The following SPMIP7 variants were observed in gnomAD, a reference collection of about 807,000 sequenced individuals.
SPMIP7 encodes the protein sperm microtubule inner protein 7, also known as protein SPMIP7.
the SPMIP7 span, among the ~76,000 whole-genome samples, chr7:50,139,051 T>A: frequency 2.0e-5 from 3 of 152,136 alleles, no homozygotes; most frequent in Non-Finnish European, 4.4e-5. Context: ...TTGAAATATT[T>A]AAAAATTTAA....
At chr7:50,103,221 T>C in the SPMIP7 span, among the ~76,000 whole-genome samples, 1 of 151,914 alleles carries the variant, frequency 6.6e-6, no homozygotes, top group Non-Finnish European at 1.5e-5. Context: ...TGATCTCAAA[T>C]TTTAACTTTT....
chr7:50,153,580 A>G, the SPMIP7 span, among the ~76,000 whole-genome samples: 2 of 152,196 alleles, frequency 1.3e-5, no homozygotes. Flanking sequence ...CTGTTGGCTG[A>G]GTGCTTTGTG....
the SPMIP7 span, among the ~76,000 whole-genome samples, chr7:50,125,818 C>T: frequency 1.3e-4 from 20 of 151,818 alleles, no homozygotes; most frequent in African/African-American, 4.4e-4. Flanking sequence ...TTTCCAGGAG[C>T]TGAGGGGTGG....
At chr7:50,116,927 GA>G in the SPMIP7 span, among the ~76,000 whole-genome samples, 1 of 152,142 alleles carries the variant, frequency 6.6e-6, no homozygotes. Context: ...CCTGAGTGTT[GA>G]AGCAATTCTC....
chr7:50,140,367 GAAAGAAAGAAAGA>G, the SPMIP7 span, among the ~76,000 whole-genome samples: 2 of 151,546 alleles, frequency 1.3e-5, no homozygotes, highest in Non-Finnish European at 3.0e-5. Context: ...TGATTTTGAT[GAAAGAAAGAAAGA>G]AAAGAAAGAA....
chr7:50,106,903 C>A, the SPMIP7 span, among the ~76,000 whole-genome samples: 2 of 152,086 alleles, frequency 1.3e-5, no homozygotes, highest in Non-Finnish European at 2.9e-5. Flanking sequence ...GAGTTTGAGA[C>A]CAGTCTGGCC....
the SPMIP7 span, among the ~76,000 whole-genome samples, chr7:50,126,377 CTG>C: frequency 7.0e-6 from 1 of 142,188 alleles, no homozygotes; most frequent in Non-Finnish European, 1.5e-5. Flanking sequence ...GCATATATAT[CTG>C]TTTTTTTTTT....
chr7:50,106,918 T>C, the SPMIP7 span, among the ~76,000 whole-genome samples: 1 of 151,894 alleles, frequency 6.6e-6, no homozygotes, highest in African/African-American at 2.4e-5. Context: ...CTGGCCAACA[T>C]AGCAAAACCC....
At chr7:50,136,823 C>G in the SPMIP7 span, among the ~76,000 whole-genome samples, 2 of 152,070 alleles carry the variant, frequency 1.3e-5, no homozygotes, top group East Asian at 3.8e-4. Flanking sequence ...GTAACACAAC[C>G]CACAACACAG....
chr7:50,103,651 C>A, the SPMIP7 span, among the ~76,000 whole-genome samples: 4 of 152,104 alleles, frequency 2.6e-5, no homozygotes, highest in African/African-American at 9.7e-5. Context: ...CTTTTTCATC[C>A]AAGTTCTACT....
At chr7:50,140,181 C>T in the SPMIP7 span, 105 of 1,488,208 alleles carry the variant, frequency 7.1e-5, 1 homozygote, top group East Asian at 9.5e-4. Flanking sequence ...CCTCTCTATA[C>T]GTAAGTAATG....
chr7:50,143,161 T>C, the SPMIP7 span, among the ~76,000 whole-genome samples: 1 of 7,874 alleles, frequency 1.3e-4, no homozygotes, highest in Non-Finnish European at 7.6e-4. Context: ...TGAAAGCCAT[T>C]TTTTTTTTTT....
chr7:50,106,355 C>T, the SPMIP7 span, among the ~76,000 whole-genome samples: 1 of 152,148 alleles, frequency 6.6e-6, no homozygotes, highest in Admixed American at 6.6e-5. Flanking sequence ...TACAAGCCAC[C>T]TATGACTGTG....
chr7:50,130,607 A>G, the SPMIP7 span, among the ~76,000 whole-genome samples: 1 of 152,174 alleles, frequency 6.6e-6, no homozygotes, highest in Non-Finnish European at 1.5e-5. Context: ...TAAATAGATC[A>G]TATCTTAAAA....
the SPMIP7 span, among the ~76,000 whole-genome samples, chr7:50,098,670 T>G: frequency 6.6e-6 from 1 of 152,136 alleles, no homozygotes; most frequent in Non-Finnish European, 1.5e-5. Context: ...ATCTTTTTCC[T>G]TGCATCCTCA....
chr7:50,141,438 C>T, the SPMIP7 span: 2 of 1,126,536 alleles, frequency 1.8e-6, no homozygotes, highest in South Asian at 1.3e-5. Context: ...AAGGATGAAA[C>T]ATGATGATGG....
chr7:50,143,818 C>T, the SPMIP7 span, among the ~76,000 whole-genome samples: 6 of 152,236 alleles, frequency 3.9e-5, no homozygotes, highest in Middle Eastern at 6.8e-3. Flanking sequence ...TCTAATCTTG[C>T]TTTTGTATAT....
the SPMIP7 span, among the ~76,000 whole-genome samples, chr7:50,122,179 C>T: frequency 1.3e-5 from 2 of 152,018 alleles, no homozygotes; most frequent in African/African-American, 4.8e-5. Context: ...TAACATTGTC[C>T]TCTGAATGTA....
At chr7:50,104,347 A>T in the SPMIP7 span, 1 of 1,541,764 alleles carries the variant, frequency 6.5e-7, no homozygotes. Flanking sequence ...ACTCCCTTAC[A>T]ACCTCATCAT....
Sources: gnomAD v4.1 joint callset for allele counts (sites outside exome capture counted in the v4.1 genomes callset) on GRCh38, gnomAD v4.1.1 for gene constraint, MANE v1.5 for transcripts, NCBI Gene and HGNC (gene_info 2026-07-23, HGNC 2026-07-21) for gene names.